Variants in PPM1G observed in about 807,000 individuals in gnomAD.
PPM1G encodes the protein protein phosphatase, Mg2+/Mn2+ dependent 1G.
In PPM1G, 12 loss-of-function variants were observed where a neutral mutation model predicts 59.4. That is an observed-to-expected ratio of 0.20 (90% CI 0.13 to 0.33). PPM1G has a LOEUF of 0.33. Ranked by LOEUF, PPM1G falls within the 10% of genes least tolerant of loss-of-function variation. PPM1G has a pLI of 1.00. For synonymous variants in PPM1G, 245 were observed against 251.9 expected (o/e 0.97, Z 0.26); for missense variants, 392 against 681.3 (o/e 0.58, Z 4.73).
At chr2:27,391,259 A>C (rs1358693699) in intron 1 of PPM1G, among the ~76,000 whole-genome samples, 1 of 152,220 alleles carries the variant, frequency 6.6e-6, no homozygotes, top group East Asian at 1.9e-4. Flanking sequence ...AGAAATCTCC[A>C]AACTGACTGT....
intron 1 of PPM1G, among the ~76,000 whole-genome samples, chr2:27,408,375 C>T (rs1010619258): frequency 1.3e-5 from 2 of 152,150 alleles, no homozygotes; most frequent in African/African-American, 4.8e-5. Context: ...CCACGGTTAA[C>T]CCGTCTTCCT....
intron 1 of PPM1G, among the ~76,000 whole-genome samples, chr2:27,397,878 T>C (rs1016314918): frequency 1.3e-5 from 2 of 151,970 alleles, no homozygotes; most frequent in Non-Finnish European, 2.9e-5. Flanking sequence ...AAAAAAGTAA[T>C]ATAAAATAGA....
chr2:27,393,129 C>A, intron 1 of PPM1G: 1 of 1,343,930 alleles, frequency 7.4e-7, no homozygotes. Flanking sequence ...AAGGAAGATT[C>A]GGCCACCTCG....
intron 1 of PPM1G, 136 bp downstream of exon 1, chr2:27,409,167 G>C: frequency 7.7e-7 from 1 of 1,291,678 alleles, no homozygotes; most frequent in Non-Finnish European, 1.0e-6. Flanking sequence ...CGCGGTCTCT[G>C]TCGCCCCGCA....
chr2:27,397,592 T>A (rs1558320575), intron 1 of PPM1G, among the ~76,000 whole-genome samples: 1 of 152,148 alleles, frequency 6.6e-6, no homozygotes, highest in East Asian at 1.9e-4. Flanking sequence ...AACAAAACCC[T>A]ATGATCATCA....
At chr2:27,397,097 G>A (rs113047904) in intron 1 of PPM1G, among the ~76,000 whole-genome samples, 3 of 151,850 alleles carry the variant, frequency 2.0e-5, no homozygotes, top group East Asian at 1.9e-4. Flanking sequence ...TCAAACTCCC[G>A]ACCTCAGGTG....
At chr2:27,401,125 C>T (rs1387585922) in intron 1 of PPM1G, among the ~76,000 whole-genome samples, 3 of 152,182 alleles carry the variant, frequency 2.0e-5, no homozygotes, top group Non-Finnish European at 4.4e-5. Context: ...ACCTGCAAGG[C>T]ACTGATCTAG....
chr2:27,394,507 G>C (rs1683995922), intron 1 of PPM1G, among the ~76,000 whole-genome samples: 1 of 151,816 alleles, frequency 6.6e-6, no homozygotes. Flanking sequence ...GAGGCAGGCG[G>C]ATCTCTAGGT....
chr2:27,405,619 A>ACTT (rs1663338650), intron 1 of PPM1G, among the ~76,000 whole-genome samples: 1 of 144,704 alleles, frequency 6.9e-6, no homozygotes, highest in African/African-American at 2.6e-5. Context: ...CTGGTCTCGA[A>ACTT]CTGACCTCAG....
chr2:27,387,315 G>A (rs1683792414), intron 1 of PPM1G, among the ~76,000 whole-genome samples, 157 bp from the exon 2 acceptor site: 1 of 152,134 alleles, frequency 6.6e-6, no homozygotes, highest in Admixed American at 6.5e-5. Context: ...TACAGAGGAA[G>A]AAAAGAGGAG....
intron 1 of PPM1G, among the ~76,000 whole-genome samples, chr2:27,406,966 C>CA (rs1663386481): frequency 7.3e-6 from 1 of 137,346 alleles, no homozygotes; most frequent in African/African-American, 2.7e-5. Context: ...TTTATTTATT[C>CA]TTTTTTTTTT....
chr2:27,398,616 G>C (rs1684106823), intron 1 of PPM1G, among the ~76,000 whole-genome samples: 1 of 151,778 alleles, frequency 6.6e-6, no homozygotes, highest in Non-Finnish European at 1.5e-5. Context: ...GAGGTCAAGA[G>C]ATCGAGACTA....
chr2:27,382,305 C>T lies in PPM1G; in HGVS notation c.1332-77G>A, dbSNP rs1395673978. On this transcript the variant is annotated intron_variant, in intron 8 of 9. Transcript: ENST00000344034. This position sits in a 1 kb window ranked among gnomAD's most constrained non-coding sequence, Gnocchi z 4.2. ...GAGGAGTATGGACAGAGGTGGTGGC[C>T]CAGGCCAGTGTAAATAACTACAGAA... 3 of 1,565,194 alleles carry T rather than the reference C, an allele frequency of 1.9e-6. No homozygotes were observed. The African/African-American group carries it at 4.1e-5, about 21-fold the overall frequency.
Position 27,381,301 on chromosome 2 carries a change from T to C in PPM1G, c.*298A>G. The C allele has an allele frequency of 2.1e-6, 1 of 471,352 alleles. No homozygotes were observed. The highest frequency in any genetic ancestry group is 2.7e-5 in the South Asian group (1 of 37,682). 29.2% of individuals were successfully genotyped at this position (471,352 alleles called of 1,614,324 possible). On this transcript the variant is annotated 3_prime_UTR_variant, in exon 10 of 10. Coordinates refer to ENST00000344034, the MANE Select transcript of PPM1G (RefSeq NM_177983.3). The stretch of plus-strand genomic sequence containing the variant: ...ATGGAGCCGCCAATAAAAAAGAATG[T>C]CCTTAAATAAAGTTCACAGAGTAAA...
At chr2:27,394,461 G>C (rs1384111212) in intron 1 of PPM1G, among the ~76,000 whole-genome samples, 1 of 151,798 alleles carries the variant, frequency 6.6e-6, no homozygotes, top group Admixed American at 6.6e-5. Flanking sequence ...GGCTGGGCAC[G>C]GTGACCCCCC....
At chr2:27,395,488 C>T (rs1056257710) in intron 1 of PPM1G, among the ~76,000 whole-genome samples, 1 of 151,906 alleles carries the variant, frequency 6.6e-6, no homozygotes, top group Non-Finnish European at 1.5e-5. Flanking sequence ...GAGATCATGC[C>T]GCTGCACTCC....
At chr2:27,406,741 C>T (rs774145069) in intron 1 of PPM1G, among the ~76,000 whole-genome samples, 3 of 151,842 alleles carry the variant, frequency 2.0e-5, no homozygotes, top group Admixed American at 6.6e-5. Flanking sequence ...CAACTCAATC[C>T]GTAAGTAAAA....
At chr2:27,386,999 G>A in intron 2 of PPM1G, 90 bp downstream of exon 2, 1 of 1,011,056 alleles carries the variant, frequency 9.9e-7, no homozygotes, top group Non-Finnish European at 1.6e-6. Flanking sequence ...CCAGACCCTG[G>A]AAAGTAAATG....
At position 27,383,000 on chromosome 2, in the gene PPM1G, AT is replaced by A. The variant is rs751024396; in HGVS notation, c.1201+365del. 4.9e-3 allele frequency among the ~76,000 whole-genome samples: 642 copies of A among 130,966 alleles called. 1 individual carries two copies. The highest frequency in any genetic ancestry group is 6.5e-3 in the Admixed American group (86 of 13,174). The allele number at this position is 130,966 out of a possible 152,430, so 85.9% of individuals were successfully genotyped here. ...ACTACCATGCCCAGCTAATTTTTGT[AT>A]TTTTTTTTTTTTTTAGTAGAGATGG... On this transcript the variant is annotated intron_variant, in intron 7 of 9. Coordinates refer to ENST00000344034, the MANE Select transcript of PPM1G (RefSeq NM_177983.3). This position sits in a 1 kb window ranked among gnomAD's most constrained non-coding sequence, Gnocchi z 4.2.
Sources: gnomAD v4.1 joint callset for allele counts (sites outside exome capture counted in the v4.1 genomes callset) on GRCh38, gnomAD v4.1.1 for gene constraint, Gnocchi (gnomAD v3.1) non-coding constraint, MANE v1.5 for transcripts, NCBI Gene and HGNC (gene_info 2026-07-23, HGNC 2026-07-21) for gene names.